MRPL1: variants seen among roughly 807,000 people sequenced by gnomAD.
MRPL1 encodes the protein mitochondrial ribosomal protein L1.
A neutral mutation model predicts 38.0 loss-of-function variants in MRPL1; 28 were observed. The observed-to-expected ratio is 0.74, with a 90% CI of 0.55 to 1.01. MRPL1 has a LOEUF of 1.01. MRPL1 is among the 50% of genes least tolerant of loss of function. MRPL1 has a pLI of 0.00. For missense variants in MRPL1, 358 were observed against 389.8 expected, an observed-to-expected ratio of 0.92 and a Z score of 0.69; for synonymous variants, 123 against 126.7, an observed-to-expected ratio of 0.97 and a Z score of 0.20.
chr4:77,917,181 A>G (rs1736441719), intron 7 of MRPL1, among the ~76,000 whole-genome samples: 1 of 151,376 alleles, frequency 6.6e-6, no homozygotes, highest in Non-Finnish European at 1.5e-5. Flanking sequence ...TCCTAGCCCC[A>G]CTCTTATTCT....
chr4:77,950,267 T>C (rs528411019), intron 8 of MRPL1, among the ~76,000 whole-genome samples: 2 of 152,352 alleles, frequency 1.3e-5, no homozygotes, highest in East Asian at 1.9e-4. Context: ...AGCAATTAGT[T>C]TTCTTAATCT....
intron 6 of MRPL1, among the ~76,000 whole-genome samples, chr4:77,901,046 A>G (rs1736024079): frequency 6.6e-6 from 1 of 152,174 alleles, no homozygotes; most frequent in Non-Finnish European, 1.5e-5. Flanking sequence ...GGTCTTGAGT[A>G]GCCTAGTAAA....
intron 2 of MRPL1, 60 bp downstream of exon 2, chr4:77,871,915 C>T (rs748800315): frequency 3.5e-4 from 389 of 1,100,942 alleles, no homozygotes; most frequent in Non-Finnish European, 4.9e-4. Flanking sequence ...TTTTAAAAAG[C>T]ATGTTTAGTT....
intron 8 of MRPL1, among the ~76,000 whole-genome samples, chr4:77,951,879 C>A (rs532551167): frequency 6.6e-6 from 1 of 152,144 alleles, no homozygotes; most frequent in African/African-American, 2.4e-5. Flanking sequence ...TATGCTCTGA[C>A]CTGCCAGGAT....
At chr4:77,896,816 G>C (rs1735924758) in intron 6 of MRPL1, among the ~76,000 whole-genome samples, 1 of 151,774 alleles carries the variant, frequency 6.6e-6, no homozygotes, top group Non-Finnish European at 1.5e-5. Flanking sequence ...CAAGTTCTTT[G>C]TTTTTCAAAT....
chr4:77,918,816 A>G (rs1454859917), intron 7 of MRPL1, among the ~76,000 whole-genome samples: 1 of 152,210 alleles, frequency 6.6e-6, no homozygotes, highest in Non-Finnish European at 1.5e-5. Flanking sequence ...TATAGCAGGT[A>G]CTCAATAAAT....
At chr4:77,867,881 C>T (rs1397273392) in intron 1 of MRPL1, among the ~76,000 whole-genome samples, 5 of 149,868 alleles carry the variant, frequency 3.3e-5, no homozygotes, top group Non-Finnish European at 4.4e-5. Flanking sequence ...TTCAGCCTCC[C>T]GAGTAGCTGA....
intron 7 of MRPL1, among the ~76,000 whole-genome samples, chr4:77,932,275 T>A (rs572505455): frequency 1.8e-4 from 28 of 152,304 alleles, no homozygotes; most frequent in Admixed American, 6.5e-4. Flanking sequence ...CAGAGATTTT[T>A]AAAGAGACTT....
chr4:77,885,215 G>C, intron 3 of MRPL1, 41 bp from the exon 4 acceptor site: 1 of 1,433,658 alleles, frequency 7.0e-7, no homozygotes, highest in Non-Finnish European at 9.8e-7. Flanking sequence ...AAATAGAAAA[G>C]ATTAACTTTA....
At chr4:77,887,932 G>A (rs1311431882) in intron 5 of MRPL1, among the ~76,000 whole-genome samples, 2 of 152,132 alleles carry the variant, frequency 1.3e-5, no homozygotes, top group African/African-American at 4.8e-5. Context: ...AAAGGGCAGT[G>A]TGACTCTGGT....
At chr4:77,948,566 C>T (rs1737327175) in intron 7 of MRPL1, among the ~76,000 whole-genome samples, 1 of 152,024 alleles carries the variant, frequency 6.6e-6, no homozygotes, top group Admixed American at 6.6e-5. Context: ...CTGCATCATG[C>T]CCAAGTGGGT....
intron 1 of MRPL1, among the ~76,000 whole-genome samples, chr4:77,870,827 G>C (rs1055713958): frequency 6.6e-6 from 1 of 151,974 alleles, no homozygotes; most frequent in Admixed American, 6.6e-5. Flanking sequence ...AATAATAATA[G>C]CTTGAAATTC....
chr4:77,885,194 T>C (rs1167799059), intron 3 of MRPL1, 62 bp from the exon 4 acceptor site: 3 of 1,204,196 alleles, frequency 2.5e-6, no homozygotes, highest in Middle Eastern at 1.9e-4. Flanking sequence ...TTGTTTTATA[T>C]AGAGTGTGTG....
intron 2 of MRPL1, among the ~76,000 whole-genome samples, chr4:77,875,667 G>C (rs951870577): frequency 2.0e-5 from 3 of 151,692 alleles, no homozygotes; most frequent in African/African-American, 7.3e-5. Flanking sequence ...AAAAAAAAAA[G>C]AATTTTGCAG....
Position 77,871,830 on chromosome 4 carries a change from A to G in MRPL1, c.118A>G (p.Asn40Asp). 2 of 1,599,596 alleles carry G rather than the reference A, an allele frequency of 1.3e-6. No individual in the cohort carries two copies. The highest frequency in any genetic ancestry group is 1.7e-6 in the Non-Finnish European group (2 of 1,175,452). The change falls in exon 2 of 9, where the codon AAC becomes GAC. Residue 40 changes from asparagine (N) to aspartate (D), a missense_variant. Transcript: ENST00000315567. Reference protein sequence around the residue: ...CSCSVNIRVPNRHFAAATKSA... With the variant: ...CSCSVNIRVPDRHFAAATKSA... ...TTGTTCTGTAAACATCCGAGTGCCC[A>G]ACAGACATTTTGCTGCTGCTACAAA...
intron 6 of MRPL1, among the ~76,000 whole-genome samples, chr4:77,900,389 A>G (rs960619831): frequency 2.6e-5 from 4 of 152,204 alleles, no homozygotes; most frequent in African/African-American, 4.8e-5. Context: ...CTAAAATGCA[A>G]TAAGTTTATT....
chr4:77,905,788 A>G (rs938402633), intron 6 of MRPL1, among the ~76,000 whole-genome samples: 5 of 152,136 alleles, frequency 3.3e-5, no homozygotes, highest in African/African-American at 1.2e-4. Flanking sequence ...ATGCAGAACT[A>G]TTTCTCTTTT....
At chr4:77,923,686 A>G (rs1411313272) in intron 7 of MRPL1, among the ~76,000 whole-genome samples, 1 of 152,094 alleles carries the variant, frequency 6.6e-6, no homozygotes, top group Non-Finnish European at 1.5e-5. Flanking sequence ...CTGTAATCCC[A>G]GCACTTTGGG....
At chr4:77,874,942 C>T (rs538118841) in intron 2 of MRPL1, among the ~76,000 whole-genome samples, 186 of 151,832 alleles carry the variant, frequency 1.2e-3, no homozygotes, top group Middle Eastern at 3.4e-3. Context: ...CCACAACGCC[C>T]GGCTAATTTT....
Sources: allele counts gnomAD v4.1 joint callset (sites outside exome capture counted in the v4.1 genomes callset), GRCh38; gene constraint gnomAD v4.1.1; transcripts MANE v1.5; gene names NCBI Gene and HGNC (gene_info 2026-07-23, HGNC 2026-07-21).